Variants in PCDH15 observed in about 807,000 individuals in gnomAD.
PCDH15 encodes the protein protocadherin-15.
PCDH15 carries 129 observed loss-of-function variants against 178.5 expected under a neutral mutation model. The ratio of observed to expected loss-of-function variants is 0.72; its 90% CI spans 0.63 to 0.84. The LOEUF (loss-of-function observed/expected upper bound fraction) is 0.84. Among genes scored for constraint, PCDH15 ranks in the 40% least tolerant of loss-of-function variants. The pLI is 0.00. For missense variants in PCDH15, 2,230 were observed against 2,099.9 expected (o/e 1.06, Z -1.21); for synonymous variants, 800 against 732.0 (o/e 1.09, Z -1.50).
At chr10:55,196,763 G>A (rs747800243) in intron 1 of PCDH15, among the ~76,000 whole-genome samples, 5 of 151,804 alleles carry the variant, frequency 3.3e-5, no homozygotes, top group African/African-American at 4.8e-5. Flanking sequence ...TTTCCATACG[G>A]ACGAGTTTTG....
rs1490846762 is a variant in PCDH15 at position 54,255,105 on chromosome 10, C to A, written c.877-18174G>T. On this transcript the variant is annotated intron_variant, in intron 8 of 37. Coordinates refer to ENST00000644397, the MANE Select transcript of PCDH15 (RefSeq NM_001384140.1). ...ATATTCTCATAACACCTTACAAGAG[C>A]TGTAGGTAATTTGTATTTTGGACAA... is the stretch of plus-strand genomic sequence containing the variant. Among the ~76,000 whole-genome samples the A allele has an allele frequency of 2.0e-5, 3 of 152,204 alleles. No individual in the cohort carries two copies. In the East Asian group the frequency reaches 5.8e-4, roughly 29 times the overall value.
At chr10:55,394,048 A>T (rs1837863740) in intron 2 of PCDH15, among the ~76,000 whole-genome samples, 1 of 152,058 alleles carries the variant, frequency 6.6e-6, no homozygotes, top group African/African-American at 2.4e-5. Context: ...CCTGTGAGGC[A>T]TAAAACCCAA....
At chr10:55,355,033 A>G (rs566833260) in intron 2 of PCDH15, among the ~76,000 whole-genome samples, 6 of 152,098 alleles carry the variant, frequency 3.9e-5, no homozygotes, top group African/African-American at 1.2e-4. Flanking sequence ...GTCTTATTTC[A>G]TTTAGGAGAA....
intron 2 of PCDH15, among the ~76,000 whole-genome samples, chr10:55,524,405 T>C (rs1407464185): frequency 6.6e-6 from 1 of 151,614 alleles, no homozygotes; most frequent in African/African-American, 2.4e-5. Context: ...GCCCTTGAAA[T>C]GTGGGTATAA....
intron 13 of PCDH15, among the ~76,000 whole-genome samples, chr10:54,173,360 G>A (rs2047100955): frequency 6.6e-6 from 1 of 152,076 alleles, no homozygotes; most frequent in South Asian, 2.1e-4. Flanking sequence ...TCAAATAAAT[G>A]TGTTAATTAT....
intron 2 of PCDH15, among the ~76,000 whole-genome samples, chr10:55,479,456 T>C (rs1840130834): frequency 6.6e-6 from 1 of 151,044 alleles, no homozygotes; most frequent in Admixed American, 6.6e-5. Context: ...TATGATAACA[T>C]CTATAACATC....
At chr10:55,565,766 A>G (rs997866661) in intron 2 of PCDH15, among the ~76,000 whole-genome samples, 5 of 151,780 alleles carry the variant, frequency 3.3e-5, no homozygotes, top group African/African-American at 1.2e-4. Context: ...CTAGAGATAT[A>G]AAACTTACCA....
At chr10:55,317,068 T>A (rs1191401959) in intron 1 of PCDH15, among the ~76,000 whole-genome samples, 1 of 152,096 alleles carries the variant, frequency 6.6e-6, no homozygotes, top group East Asian at 1.9e-4. Flanking sequence ...TTCATTGTCA[T>A]CATAATAAAA....
chr10:54,317,568 G>T (rs2061356903), intron 7 of PCDH15, 127 bp from the exon 8 acceptor site: 2 of 1,035,988 alleles, frequency 1.9e-6, no homozygotes, highest in Non-Finnish European at 3.0e-6. Context: ...TGAGGTCAGG[G>T]GTTTGATACC....
chr10:54,828,910 G>A (rs1953177666), intron 3 of PCDH15, among the ~76,000 whole-genome samples: 1 of 151,928 alleles, frequency 6.6e-6, no homozygotes, highest in African/African-American at 2.4e-5. Flanking sequence ...GCAGAGACCT[G>A]AATGTACTAC....
At chr10:54,594,694 C>A (rs1414064166) in intron 2 of PCDH15, among the ~76,000 whole-genome samples, 1 of 152,224 alleles carries the variant, frequency 6.6e-6, no homozygotes, top group African/African-American at 2.4e-5. Flanking sequence ...CAGACCTAGC[C>A]TTTCCTTCTC....
Position 55,302,028 on chromosome 10 carries a change from T to A in PCDH15, c.-156+17571A>T, listed in dbSNP as rs187927419. Reference sequence around the variant, plus strand: ...AAGTTAGTAGAATGCTATCTTCCACTTTATTATTTTACAAAATTGTTTCAG... The same window carrying A: ...AAGTTAGTAGAATGCTATCTTCCACATTATTATTTTACAAAATTGTTTCAG... On this transcript the variant is annotated intron_variant, in intron 1 of 5. Transcript: ENST00000458638. Among the ~76,000 whole-genome samples, 92 of 152,290 alleles carry A rather than the reference T, an allele frequency of 6.0e-4. 2 individuals carry two copies. The highest frequency in any genetic ancestry group is 7.4e-4 in the Non-Finnish European group (50 of 68,020).
At chr10:54,964,555 T>C (rs566581733) in intron 2 of PCDH15, among the ~76,000 whole-genome samples, 1 of 152,286 alleles carries the variant, frequency 6.6e-6, no homozygotes, top group Non-Finnish European at 1.5e-5. Context: ...ATAAAGTGTG[T>C]GGTCCCATTG....
At chr10:53,957,852 T>C (rs563016753) in intron 23 of PCDH15, among the ~76,000 whole-genome samples, 5 of 152,244 alleles carry the variant, frequency 3.3e-5, no homozygotes, top group South Asian at 2.1e-4. Context: ...TAATAGATAA[T>C]AATGTACATG....
chr10:55,493,328 G>A (rs1036017463), intron 2 of PCDH15, among the ~76,000 whole-genome samples: 2 of 151,616 alleles, frequency 1.3e-5, no homozygotes, highest in Admixed American at 1.3e-4. Flanking sequence ...GGACAAGGTG[G>A]GTGGATTGCT....
chr10:54,919,989 C>A (rs1564630451), intron 2 of PCDH15, among the ~76,000 whole-genome samples: 3 of 152,180 alleles, frequency 2.0e-5, no homozygotes, highest in Admixed American at 6.6e-5. Flanking sequence ...GGAACTGTAG[C>A]CCTCATTCTT....
chr10:54,058,610 G>A (rs142005856), intron 18 of PCDH15, among the ~76,000 whole-genome samples: 276 of 151,988 alleles, frequency 1.8e-3, no homozygotes, highest in Admixed American at 3.5e-3. Flanking sequence ...AAACCATATC[G>A]GTCATATCCC....
chr10:54,766,370 G>A (rs11813852), intron 1 of PCDH15, among the ~76,000 whole-genome samples: 1,898 of 152,034 alleles, frequency 0.012, 46 homozygotes, highest in African/African-American at 0.043. Context: ...GAGTTTAAGC[G>A]TATACTAAAT....
chr10:54,612,292 CAT>C (rs1441304617), intron 2 of PCDH15, among the ~76,000 whole-genome samples: 1 of 151,798 alleles, frequency 6.6e-6, no homozygotes, highest in Non-Finnish European at 1.5e-5. Context: ...GCTCTGTACA[CAT>C]ATATTTATTA....
Sources: gnomAD v4.1 joint callset for allele counts (sites outside exome capture counted in the v4.1 genomes callset) on GRCh38, gnomAD v4.1.1 for gene constraint, MANE v1.5 for transcripts, NCBI Gene and HGNC (gene_info 2026-07-23, HGNC 2026-07-21) for gene names.